The following PIEZO2 variants were observed in gnomAD, a reference collection of about 807,000 sequenced individuals.
The protein encoded by PIEZO2 is piezo-type mechanosensitive ion channel component 2.
PIEZO2 carries 172 observed loss-of-function variants against 337.3 expected under a neutral mutation model. The observed-to-expected ratio is 0.51, with a 90% CI of 0.45 to 0.58. The LOEUF is 0.58. Among genes scored for constraint, PIEZO2 ranks in the 20% least tolerant of loss-of-function variants. PIEZO2 has a pLI of 0.00. For synonymous variants in PIEZO2, 1,251 were observed against 1,228.5 expected (o/e 1.02, Z -0.38); for missense variants, 3,028 against 3,391.3 (o/e 0.89, Z 2.66).
In PIEZO2 at chr18:10,724,834, C is replaced by G; in HGVS notation, c.5029+6573G>C. On this transcript the variant is annotated intron_variant, in intron 36 of 55. Transcript: ENST00000674853. The surrounding 1 kb of genome is among the most constrained non-coding windows in gnomAD (Gnocchi z 5.8). ...GTCGTTCTCACAGATGCACCTGGGC[C>G]ACGGCGGCCACATGCGTCGCAGTGA... The G allele has an allele frequency of 6.3e-7, 1 of 1,598,582 alleles. No individual in the cohort carries two copies. The highest frequency in any genetic ancestry group is 8.5e-7 in the Non-Finnish European group (1 of 1,172,016).
rs1322987126 is a variant in PIEZO2 at position 10,705,734 on chromosome 18, C to A, written c.5601G>T (p.Gln1867His). Residue 1867 changes from glutamine (Q) to histidine (H), a missense_variant, in exon 41 of 56, where the codon CAG becomes CAT. Physicochemically the swap from Gln to His is conservative, Grantham distance 24 (BLOSUM62 0). Transcript: ENST00000674853. ...SGSLASSEPT[Q>H]CTMLYSRQGT... ...CCTGGCGTGAGTACAGCATGGTACA[C>A]TGCGTGGGCTCGCTGTTGGGAGAAA... The A allele has an allele frequency of 6.6e-7, 1 of 1,526,334 alleles. No individual in the cohort carries two copies. The highest frequency in any genetic ancestry group is 8.8e-7 in the Non-Finnish European group (1 of 1,140,116). The allele number at this position is 1,526,334 out of a possible 1,614,324, so 94.5% of individuals were successfully genotyped here. A position where few individuals can be genotyped will look rare whatever the true frequency, so the allele number is the denominator to read the frequency against.
At chr18:11,058,558 A>G (rs1249922364) in intron 2 of PIEZO2, among the ~76,000 whole-genome samples, 1 of 152,148 alleles carries the variant, frequency 6.6e-6, no homozygotes, top group Non-Finnish European at 1.5e-5. Flanking sequence ...AACTAGAATA[A>G]CCAGTGCAGA....
chr18:11,010,778 G>T (rs947428682), intron 2 of PIEZO2, among the ~76,000 whole-genome samples: 1 of 152,218 alleles, frequency 6.6e-6, no homozygotes, highest in Admixed American at 6.5e-5. Flanking sequence ...CAACTTCCAT[G>T]AGGACGAGGC....
At chr18:11,042,815 T>A (rs1598872146) in intron 2 of PIEZO2, among the ~76,000 whole-genome samples, 1 of 152,198 alleles carries the variant, frequency 6.6e-6, no homozygotes, top group Non-Finnish European at 1.5e-5. Flanking sequence ...TTGTAAAATG[T>A]CAGTATGTAA....
intron 47 of PIEZO2, among the ~76,000 whole-genome samples, chr18:10,694,778 T>G (rs2035010228): frequency 6.6e-6 from 1 of 152,122 alleles, no homozygotes; most frequent in South Asian, 2.1e-4. Flanking sequence ...AAGGTTGCAG[T>G]GAGCTATGAT....
chr18:10,834,422 A>T lies in PIEZO2; in HGVS notation c.917+20931T>A, dbSNP rs369276435. On this transcript the variant is annotated intron_variant, in intron 7 of 55. Transcript: ENST00000674853. This position sits in a 1 kb window ranked among gnomAD's most constrained non-coding sequence, Gnocchi z 4.5. ...CACCCGACAATACTATGTGCTCAAT[A>T]CACCTTAACTATTACAACTATGATA... Among the ~76,000 whole-genome samples, 12 of 152,310 alleles carry T rather than the reference A, an allele frequency of 7.9e-5. No individual in the cohort carries two copies. The South Asian group carries it at 2.3e-3, about 29-fold the overall frequency.
Position 11,078,514 on chromosome 18 carries a change from C to T in PIEZO2, c.65-12292G>A, listed in dbSNP as rs2038629406. ...TTACTGTTTTATCTTGATGAATTTACTTTGACATTGTCTGCTTCTTCCTGG... is the reference window on the plus strand; with the variant it reads ...TTACTGTTTTATCTTGATGAATTTATTTTGACATTGTCTGCTTCTTCCTGG... On this transcript the variant is annotated intron_variant, in intron 1 of 55. Transcript: ENST00000674853. This position sits in a 1 kb window ranked among gnomAD's most constrained non-coding sequence, Gnocchi z 5.3. 6.6e-6 allele frequency among the ~76,000 whole-genome samples: 1 copy of T among 152,210 alleles called. No homozygotes were observed. The highest frequency in any genetic ancestry group is 1.5e-5 in the Non-Finnish European group (1 of 68,042).
chr18:11,142,903 C>T (rs2040695550), intron 1 of PIEZO2, among the ~76,000 whole-genome samples: 1 of 151,806 alleles, frequency 6.6e-6, no homozygotes, highest in Admixed American at 6.6e-5. Flanking sequence ...ATGGTGAAAC[C>T]CCGTCGCTAC....
intron 7 of PIEZO2, among the ~76,000 whole-genome samples, chr18:10,852,908 T>C (rs116116594): frequency 0.01 from 1,596 of 152,228 alleles, 29 homozygotes; most frequent in African/African-American, 0.037. Context: ...GTTTTTACAC[T>C]GTTTCTCTAA....
At chr18:11,017,762 A>G (rs1193400040) in intron 2 of PIEZO2, among the ~76,000 whole-genome samples, 1 of 152,160 alleles carries the variant, frequency 6.6e-6, no homozygotes, top group Non-Finnish European at 1.5e-5. Context: ...TCTTCTTTTG[A>G]GCTCAGATTC....
intron 3 of PIEZO2, among the ~76,000 whole-genome samples, chr18:10,971,563 C>G (rs1245955355): frequency 6.6e-6 from 1 of 152,082 alleles, no homozygotes; most frequent in Non-Finnish European, 1.5e-5. Flanking sequence ...AGCTCCTCAG[C>G]CATGCAGTCC....
chr18:10,679,905 A>AAAC (rs1434162569), intron 52 of PIEZO2, among the ~76,000 whole-genome samples: 7 of 152,240 alleles, frequency 4.6e-5, no homozygotes, highest in South Asian at 2.1e-4. Flanking sequence ...CAAAAATAAA[A>AAAC]AACAGCAACA....
chr18:10,782,514 TTATTA>T (rs2039064531), intron 17 of PIEZO2, among the ~76,000 whole-genome samples: 5 of 133,938 alleles, frequency 3.7e-5, no homozygotes, highest in East Asian at 4.0e-4. Flanking sequence ...ATTATATATA[TTATTA>T]TATTATATAA....
Position 10,929,292 on chromosome 18 carries a change from A to G in PIEZO2, c.287-18064T>C, listed in dbSNP as rs1337232211. Among the ~76,000 whole-genome samples, 2 of 152,256 alleles carry G rather than the reference A, an allele frequency of 1.3e-5. No homozygotes were observed. Among genetic ancestry groups the G allele is most frequent in the East Asian group, 3.9e-4 (2 of 5,190 alleles). On this transcript the variant is annotated intron_variant, in intron 3 of 55. Coordinates refer to ENST00000674853, the MANE Select transcript of PIEZO2 (RefSeq NM_001378183.1). The surrounding 1 kb of genome is among the most constrained non-coding windows in gnomAD (Gnocchi z 5.6). The stretch of plus-strand genomic sequence containing the variant: ...AGCGAGCTGCAAACGTGCACGCATC[A>G]TATGAAGGTGTTATGCTGCTGCATG...
Position 11,102,321 on chromosome 18 carries a change from C to G in PIEZO2, c.65-36099G>C, listed in dbSNP as rs2146098587. Among the ~76,000 whole-genome samples, 1 of 152,352 alleles carries G rather than the reference C, an allele frequency of 6.6e-6. No individual in the cohort carries two copies. Among genetic ancestry groups the G allele is most frequent in the Non-Finnish European group, 1.5e-5 (1 of 68,038 alleles). On this transcript the variant is annotated intron_variant, in intron 1 of 55. Transcript: ENST00000674853. The surrounding 1 kb of genome is among the most constrained non-coding windows in gnomAD (Gnocchi z 5.7). ...TGGCACATCCCATGACTTTTCTGCT[C>G]TCTCTTAGATAACAGACAGTTTTTG... is the stretch of plus-strand genomic sequence containing the variant.
chr18:10,967,715 T>C (rs573111880), intron 3 of PIEZO2, among the ~76,000 whole-genome samples: 2 of 152,240 alleles, frequency 1.3e-5, no homozygotes. Flanking sequence ...TTTTTTCATA[T>C]GTTTGTTGGC....
rs2036239519 is a variant in PIEZO2 at position 10,720,401 on chromosome 18, GTGTATGTGTATGTGTATGTATATATATA to G, written c.5030-2170_5030-2143del. Among the ~76,000 whole-genome samples the G allele has an allele frequency of 5.0e-3, 35 of 7,004 alleles. 1 individual carries two copies. Among genetic ancestry groups the G allele is most frequent in the Admixed American group, 0.022 (8 of 370 alleles). 4.6% of individuals were successfully genotyped at this position (7,004 alleles called of 152,430 possible). On this transcript the variant is annotated intron_variant, in intron 36 of 55. Coordinates refer to ENST00000674853, the MANE Select transcript of PIEZO2 (RefSeq NM_001378183.1). ...TGTGTGTGTGTGTGTGTGTGTGTGT[GTGTATGTGTATGTGTATGTATATATATA>G]TATATATATATATATATATATATAT...
chr18:10,900,325 A>C (rs145315107), intron 4 of PIEZO2, among the ~76,000 whole-genome samples: 66 of 152,290 alleles, frequency 4.3e-4, no homozygotes, highest in African/African-American at 1.5e-3. Context: ...AAATTGATCA[A>C]TTGCATAGGG....
intron 1 of PIEZO2, among the ~76,000 whole-genome samples, chr18:11,073,763 T>A (rs1414729062): frequency 6.6e-6 from 1 of 151,998 alleles, no homozygotes; most frequent in Non-Finnish European, 1.5e-5. Flanking sequence ...AAGTGAGTTA[T>A]CTCCATCTAG....
Sources: allele counts gnomAD v4.1 joint callset (sites outside exome capture counted in the v4.1 genomes callset), GRCh38; gene constraint gnomAD v4.1.1; non-coding constraint Gnocchi (gnomAD v3.1); transcripts MANE v1.5; gene names NCBI Gene and HGNC (gene_info 2026-07-23, HGNC 2026-07-21).